The following SYNE1 variants were observed in gnomAD, a reference collection of about 807,000 sequenced individuals.
SYNE1 encodes the protein nesprin-1.
SYNE1 carries 616 observed loss-of-function variants against 1,111.0 expected under a neutral mutation model. The observed-to-expected ratio is 0.55, with a 90% CI of 0.52 to 0.59. The LOEUF (loss-of-function observed/expected upper bound fraction) is 0.59. Ranked by LOEUF, SYNE1 falls within the 20% of genes least tolerant of loss-of-function variation. The probability of loss-of-function intolerance (pLI) is 0.00; values close to 1 mark genes in which losing one functional copy is unlikely to be tolerated. For missense variants in SYNE1, 10,006 were observed against 10,417.0 expected (o/e 0.96, Z 1.72); for synonymous variants, 3,855 against 3,825.8 (o/e 1.01, Z -0.28).
intron 133 of SYNE1, among the ~76,000 whole-genome samples, chr6:152,154,240 G>A (rs569638861): frequency 6.6e-6 from 1 of 152,220 alleles, no homozygotes; most frequent in African/African-American, 2.4e-5. Flanking sequence ...GAGTGGACTC[G>A]AGATTGTGCA....
chr6:152,314,395 A>T (rs1305609698), intron 87 of SYNE1, among the ~76,000 whole-genome samples: 1 of 152,198 alleles, frequency 6.6e-6, no homozygotes, highest in Admixed American at 6.5e-5. Flanking sequence ...GTAGGCTGTC[A>T]TGTTTTTCAG....
chr6:152,381,704 T>G, intron 55 of SYNE1: 1 of 352,408 alleles, frequency 2.8e-6, no homozygotes, highest in Non-Finnish European at 5.4e-6. Flanking sequence ...AAACCCATAT[T>G]TCCCTCAAAG....
At chr6:152,510,083 G>T in intron 8 of SYNE1, 110 bp downstream of exon 8, 1 of 1,110,798 alleles carries the variant, frequency 9.0e-7, no homozygotes, top group Non-Finnish European at 1.4e-6. Flanking sequence ...CTAAAGCAAA[G>T]CCATTCATTC....
At chr6:152,357,617 A>T (rs905935461) in intron 66 of SYNE1, among the ~76,000 whole-genome samples, 1 of 151,976 alleles carries the variant, frequency 6.6e-6, no homozygotes, top group Non-Finnish European at 1.5e-5. Flanking sequence ...CTACCATAAG[A>T]CCCCTTACAT....
chr6:152,625,800 T>C (rs993650673), intron 3 of SYNE1, among the ~76,000 whole-genome samples: 1 of 152,216 alleles, frequency 6.6e-6, no homozygotes, highest in African/African-American at 2.4e-5. Flanking sequence ...GAACAAATTA[T>C]CAGGCTGTGC....
intron 107 of SYNE1, among the ~76,000 whole-genome samples, chr6:152,241,506 G>GTGTGTGTGTGTGTGTGTC (rs1254088504): frequency 0.029 from 3,566 of 121,934 alleles, 69 homozygotes; most frequent in Non-Finnish European, 0.043. Context: ...AGAGCTGTGT[G>GTGTGTGTGTGTGTGTGTC]TGTGTGTGTG....
intron 6 of SYNE1, among the ~76,000 whole-genome samples, chr6:152,518,202 T>C (rs150386235): frequency 0.014 from 2,033 of 150,192 alleles, 21 homozygotes; most frequent in South Asian, 0.032. Flanking sequence ...CACAGGGGCA[T>C]GGGTTAGTGA....
chr6:152,603,874 A>T (rs1342350108), intron 3 of SYNE1, among the ~76,000 whole-genome samples: 1 of 143,074 alleles, frequency 7.0e-6, no homozygotes, highest in Admixed American at 6.9e-5. Context: ...TAGATATACT[A>T]TCTATCTATA....
rs577132540 is a variant in SYNE1, at chr6:152,138,744, A to T, written c.25458+1206T>A. Among the ~76,000 whole-genome samples, 4 of 152,172 alleles carry T rather than the reference A, an allele frequency of 2.6e-5. No individual in the cohort carries two copies. The South Asian group carries it at 8.3e-4, about 32-fold the overall frequency. ...CTTAATACTGTCCAAACAGGAAAAA[A>T]CAAGCACTGATGGGTTTTAAAAAGA... On this transcript the variant is annotated intron_variant, in intron 140 of 145. Transcript: ENST00000367255.
intron 11 of SYNE1, among the ~76,000 whole-genome samples, chr6:152,490,271 A>G (rs1305934965): frequency 2.6e-5 from 4 of 152,110 alleles, no homozygotes; most frequent in Admixed American, 2.6e-4. Flanking sequence ...AGCATCATAA[A>G]TTTTGCTATC....
chr6:152,429,966 A>G (rs1004122458), intron 36 of SYNE1, 146 bp downstream of exon 36: 1 of 631,198 alleles, frequency 1.6e-6, no homozygotes, highest in Admixed American at 2.6e-5. Flanking sequence ...TATAAAGTGA[A>G]TACATTAGAT....
chr6:152,466,132 C>T (rs2098765611), intron 16 of SYNE1, 54 bp from the exon 17 acceptor site: 2 of 1,188,542 alleles, frequency 1.7e-6, no homozygotes, highest in East Asian at 2.4e-5. Context: ...ATGTAGAATG[C>T]CAAAGTCAAT....
In SYNE1 at chr6:152,133,371, G is replaced by A; in HGVS notation, c.25906C>T (p.His8636Tyr). 6.2e-7 allele frequency: 1 copy of A among 1,614,104 alleles called. No individual in the cohort carries two copies. Among genetic ancestry groups the A allele is most frequent in the Non-Finnish European group, 8.5e-7 (1 of 1,180,026 alleles). The change falls in exon 143 of 146, where the codon CAT becomes TAT. Residue 8636 changes from histidine (H) to tyrosine (Y), a missense_variant. By Grantham distance (83) the His-to-Tyr change is moderately conservative. This residue lies in a region of SYNE1 where 761 missense variants were observed against 795.5 expected (regional missense o/e 0.96). Coordinates refer to ENST00000367255, the MANE Select transcript of SYNE1 (RefSeq NM_182961.4). Reference protein sequence around the residue: ...TDCLEAKEKVHVIGNRLKLLL... With the variant: ...TDCLEAKEKVYVIGNRLKLLL... Reference sequence around the variant, plus strand: ...AGTTTGAGCCGATTTCCAATAACATGGACTTTTTCTTTGGCTTCTAAACAG... The same window carrying A: ...AGTTTGAGCCGATTTCCAATAACATAGACTTTTTCTTTGGCTTCTAAACAG...
rs757999765 is a variant in SYNE1, at chr6:152,318,940, C to T, written c.16312G>A (p.Ala5438Thr). The part of the protein sequence containing the change: ...QELSRQIQKL[A>T]KDLTTILTKL... ...GTTAGAATAGTTGTGAGGTCTTTAG[C>T]TAACTTCTGAATTTGCCGGCTGAGT... Residue 5438 changes from alanine to threonine, a missense_variant, in exon 85 of 146, where the codon GCT becomes ACT. Transcript: ENST00000367255. 6.2e-7 allele frequency: 1 copy of T among 1,614,190 alleles called. No individual in the cohort carries two copies. The highest frequency in any genetic ancestry group is 1.1e-5 in the South Asian group (1 of 91,080).
chr6:152,143,956 G>C, intron 137 of SYNE1, 191 bp from the exon 138 acceptor site: 76 of 729,758 alleles, frequency 1.0e-4, no homozygotes, highest in Middle Eastern at 3.9e-4. Flanking sequence ...ACCAATGAAG[G>C]TGCTTGACTG....
At position 152,122,245 on chromosome 6, in the gene SYNE1, T is replaced by C. The variant is rs567194577; in HGVS notation, c.*191A>G. 679 of 822,676 alleles carry C rather than the reference T, an allele frequency of 8.3e-4. 4 individuals carry two copies. Among genetic ancestry groups the C allele is most frequent in the South Asian group, 4.5e-3 (268 of 59,628 alleles). The allele number at this position is 822,676 out of a possible 1,614,324, so 51.0% of individuals were successfully genotyped here. On this transcript the variant is annotated 3_prime_UTR_variant, in exon 146 of 146. Transcript: ENST00000367255. ...TCTTCCAAACCTTCTTGTTGTCTGT[T>C]TGTTCCCCCGTCACTGTTTATCTTC... is the stretch of plus-strand genomic sequence containing the variant.
At chr6:152,516,968 G>A (rs375767680) in intron 6 of SYNE1, among the ~76,000 whole-genome samples, 2 of 152,186 alleles carry the variant, frequency 1.3e-5, no homozygotes, top group South Asian at 2.1e-4. Context: ...AGAAAGAAGA[G>A]AAACCCTTCA....
At chr6:152,459,384 TGATAAACTTA>T (rs2098717773) in intron 21 of SYNE1, among the ~76,000 whole-genome samples, 1 of 152,308 alleles carries the variant, frequency 6.6e-6, no homozygotes, top group South Asian at 2.1e-4. Context: ...CCTTGACTGC[TGATAAACTTA>T]GAAACCTGTT....
Position 152,505,492 on chromosome 6 carries a change from C to T in SYNE1, c.582-95G>A, listed in dbSNP as rs13200897. 229,932 of 1,332,742 alleles carry T rather than the reference C, an allele frequency of 0.17. 22,180 individuals carry two copies. Among genetic ancestry groups the T allele is most frequent in the Non-Finnish European group, 0.2 (185,906 of 945,506 alleles). 82.6% of individuals were successfully genotyped at this position (1,332,742 alleles called of 1,614,324 possible). On this transcript the variant is annotated intron_variant, in intron 8 of 145. Transcript: ENST00000367255. ...TGCAAAATCCAGTGCTTTTCACCAACGATATGCAGAGAGCTGTATCAGTTC... is the reference window on the plus strand; with the variant it reads ...TGCAAAATCCAGTGCTTTTCACCAATGATATGCAGAGAGCTGTATCAGTTC...
Sources: gnomAD v4.1 joint callset for allele counts (sites outside exome capture counted in the v4.1 genomes callset) on GRCh38, gnomAD v4.1.1 for gene constraint, gnomAD v4.1.1 regional missense constraint, MANE v1.5 for transcripts, NCBI Gene and HGNC (gene_info 2026-07-23, HGNC 2026-07-21) for gene names.